PTOV1: variants seen among roughly 807,000 people sequenced by gnomAD.
The protein encoded by PTOV1 is PTOV1 extended AT-hook containing adaptor protein.
Under a neutral mutation model 58.0 loss-of-function variants are expected in PTOV1, and 20 were observed. The observed-to-expected ratio is 0.34, with a 90% CI of 0.24 to 0.50. The LOEUF (loss-of-function observed/expected upper bound fraction) is 0.50, where lower values mean the gene tolerates loss of function less well. Among genes scored for constraint, PTOV1 ranks in the 20% least tolerant of loss-of-function variants. The pLI is 0.98. For missense variants in PTOV1, 593 were observed against 565.4 expected, an observed-to-expected ratio of 1.05 and a Z score of -0.50; for synonymous variants, 335 against 234.2, an observed-to-expected ratio of 1.43 and a Z score of -3.93.
At chr19:49,851,409 CGTG>C (rs2074240454) in exon 1 of PTOV1, 1 of 1,200,724 alleles carries the variant, frequency 8.3e-7, no homozygotes, top group Non-Finnish European at 1.0e-6. Context: ...CGCGGCCCCT[CGTG>C]GTGCGCGCCG....
chr19:49,860,462 C>A (rs544111893), exon 12 of PTOV1: 5 of 924,076 alleles, frequency 5.4e-6, no homozygotes, highest in Non-Finnish European at 1.6e-6. Context: ...GCAGTCCCAG[C>A]GGTCCTAGGC....
At chr19:49,852,709 G>C (rs963091649) in intron 1 of PTOV1, 1 of 152,164 alleles carries the variant, frequency 6.6e-6, no homozygotes, top group African/African-American at 2.4e-5. Context: ...TGCTCTCCTA[G>C]ACAAGCAGAC....
chr19:49,850,954 C>T (rs7260222), upstream of PTOV1: 559,594 of 1,535,152 alleles, frequency 0.36, 104,516 homozygotes, highest in African/African-American at 0.49. Flanking sequence ...CCACCCCATT[C>T]GGTAGGGGCT....
chr19:49,857,768 A>G (rs780371346), exon 7 of PTOV1: 14 of 1,614,164 alleles, frequency 8.7e-6, no homozygotes, highest in South Asian at 2.2e-5. Context: ...GAGTGGTGTC[A>G]TGGAGTGGCA....
At chr19:49,851,116 C>T (rs1006651543), upstream of PTOV1, 65 of 1,357,196 alleles carry the variant, frequency 4.8e-5, no homozygotes, top group Non-Finnish European at 5.9e-5. Flanking sequence ...GGCCACGCCC[C>T]CTCGGACGCG....
At position 49,858,539 on chromosome 19, in the gene PTOV1, T is replaced by C. The variant is rs2074585505; in HGVS notation, c.937-10T>C. 4 of 1,585,100 alleles carry C rather than the reference T, an allele frequency of 2.5e-6. No homozygotes were observed. The African/African-American group carries it at 4.0e-5, about 16-fold the overall frequency. On this transcript the variant is annotated splice_polypyrimidine_tract_variant and intron_variant, in intron 9 of 11. Transcript: ENST00000391842. ...AAGCCAGAGCTGGGGGTCCCCTCGC[T>C]TCCCCGCAGACCACCCTAGTGCCGC... is the stretch of plus-strand genomic sequence containing the variant.
rs1053702144 is a variant in PTOV1 at position 49,857,289 on chromosome 19, C to A, written c.714+159C>A. On this transcript the variant is annotated intron_variant, in intron 6 of 11. Transcript: ENST00000391842. Reference sequence around the variant, plus strand: ...GATGCCGGGCGGGTTCCCACCAGGGCTCCATGGAAAAGCGGCCACTGGGCG... The same window carrying A: ...GATGCCGGGCGGGTTCCCACCAGGGATCCATGGAAAAGCGGCCACTGGGCG... 6.3e-5 allele frequency: 68 copies of A among 1,077,470 alleles called. 1 individual carries two copies. The Admixed American group carries it at 1.6e-3, about 25-fold the overall frequency. 66.7% of individuals were successfully genotyped at this position (1,077,470 alleles called of 1,614,324 possible). A position where few individuals can be genotyped will look rare whatever the true frequency, so the allele number is the denominator to read the frequency against.
In PTOV1 at chr19:49,857,145, C is replaced by T. The variant is rs2074506413; in HGVS notation, c.714+15C>T. The T allele has an allele frequency of 3.7e-6, 6 of 1,613,846 alleles. No individual in the cohort carries two copies. Among genetic ancestry groups the T allele is most frequent in the African/African-American group, 1.3e-5 (1 of 75,038 alleles). ...CCCGCAAGCAGGTGTGCCAGCCAAG[C>T]ACAGCCCCTCTGGGGACAGAGGGGG... On this transcript the variant is annotated intron_variant, in intron 6 of 11. Transcript: ENST00000391842.
chr19:49,857,462 C>T, intron 6 of PTOV1: 3 of 612,070 alleles, frequency 4.9e-6, no homozygotes, highest in Non-Finnish European at 5.8e-6. Flanking sequence ...TTGAGGCAGA[C>T]TCTGCAGGTC....
rs1162496657 is a variant in PTOV1, at chr19:49,855,259, A to G, written c.558+182A>G. The G allele has an allele frequency of 3.6e-5, 22 of 617,124 alleles. No homozygotes were observed. The East Asian group carries it at 6.1e-4, about 17-fold the overall frequency. 38.2% of individuals were successfully genotyped at this position (617,124 alleles called of 1,614,324 possible). ...GGCACCCTCCGTAGAGCACAGGGTG[A>G]AGGAACTCAGCCTGAGAGGCCTCCA... is the stretch of plus-strand genomic sequence containing the variant. On this transcript the variant is annotated intron_variant, in intron 5 of 11. Transcript: ENST00000391842.
chr19:49,856,821 C>G lies in PTOV1; in HGVS notation c.559-154C>G, dbSNP rs1455602592. ...TGCCGATGGGCGCTGCACGGGCTCTCAGAGGCCCCTCACCTATGGCCATGG... is the reference window on the plus strand; with the variant it reads ...TGCCGATGGGCGCTGCACGGGCTCTGAGAGGCCCCTCACCTATGGCCATGG... On this transcript the variant is annotated intron_variant, in intron 5 of 11. Coordinates refer to ENST00000391842, the Ensembl canonical transcript of PTOV1. 12 of 896,974 alleles carry G rather than the reference C, an allele frequency of 1.3e-5. No individual in the cohort carries two copies. The Admixed American group carries it at 1.7e-4, about 13-fold the overall frequency. The allele number at this position is 896,974 out of a possible 1,614,324, so 55.6% of individuals were successfully genotyped here.
At chr19:49,858,515 A>G in intron 9 of PTOV1, 34 bp from the exon 10 acceptor site, 1 of 1,539,116 alleles carries the variant, frequency 6.5e-7, no homozygotes, top group Non-Finnish European at 8.8e-7. Context: ...TGGTGGGAGA[A>G]GCCAGAGCTG....
At chr19:49,860,105 C>A in exon 11 of PTOV1, 1 of 1,614,214 alleles carries the variant, frequency 6.2e-7, no homozygotes, top group Non-Finnish European at 8.5e-7. Flanking sequence ...GCAACTTTGT[C>A]AACGGCATCC....
chr19:49,860,741 T>G, downstream of PTOV1: 1 of 289,294 alleles, frequency 3.5e-6, no homozygotes, highest in Non-Finnish European at 6.5e-6. Flanking sequence ...TTTAAAAACC[T>G]GCCTGCCTTC....
Position 49,857,316 on chromosome 19 carries a change from C to T in PTOV1, c.714+186C>T, listed in dbSNP as rs2074516832. On this transcript the variant is annotated intron_variant, in intron 6 of 11. Transcript: ENST00000391842. The stretch of plus-strand genomic sequence containing the variant: ...CCATGGAAAAGCGGCCACTGGGCGG[C>T]TCTGCAGGGCTGGAGGGTGGGTCTT... 5 of 803,434 alleles carry T rather than the reference C, an allele frequency of 6.2e-6. No individual in the cohort carries two copies. In the East Asian group the frequency reaches 1.1e-4, roughly 17 times the overall value. 49.8% of individuals were successfully genotyped at this position (803,434 alleles called of 1,614,324 possible).
upstream of PTOV1, chr19:49,850,838 T>C (rs2074210878): frequency 3.3e-6 from 5 of 1,534,462 alleles, no homozygotes; most frequent in African/African-American, 1.4e-5. Flanking sequence ...TTCCCTGATG[T>C]ATTTTGGCGC....
chr19:49,851,324 C>T, exon 1 of PTOV1: 7 of 1,065,214 alleles, frequency 6.6e-6, no homozygotes, highest in Non-Finnish European at 7.9e-6. Flanking sequence ...CGGCCCGCGC[C>T]CGCCATGGTC....
chr19:49,859,113 G>A (rs1416962978), intron 10 of PTOV1: 1 of 156,086 alleles, frequency 6.4e-6, no homozygotes, highest in Non-Finnish European at 1.4e-5. Context: ...AGGTGGAGAA[G>A]GTTGGACTTT....
At chr19:49,858,287 A>G in intron 9 of PTOV1, 173 bp downstream of exon 9, 1 of 890,644 alleles carries the variant, frequency 1.1e-6, no homozygotes, top group Non-Finnish European at 1.7e-6. Context: ...AAGGGGTCCC[A>G]GGCAGCCAGC....
Sources: allele counts gnomAD v4.1 joint callset, GRCh38; gene constraint gnomAD v4.1.1; transcripts MANE v1.5; gene names NCBI Gene and HGNC (gene_info 2026-07-23, HGNC 2026-07-21).